Variants in ZAN observed in about 807,000 individuals in gnomAD.
ZAN encodes the protein zonadhesin (gene/pseudogene).
In ZAN, 260 loss-of-function variants were observed where a neutral mutation model predicts 286.2. That is an observed-to-expected ratio of 0.91 (90% CI 0.82 to 1.01). The LOEUF (loss-of-function observed/expected upper bound fraction) is 1.01, where lower values mean the gene tolerates loss of function less well. Among genes scored for constraint, ZAN ranks in the 50% least tolerant of loss-of-function variants. The pLI is 0.00. For missense variants in ZAN, 3,410 were observed against 3,639.2 expected (o/e 0.94, Z 1.62); for synonymous variants, 1,368 against 1,417.5 (o/e 0.97, Z 0.79).
rs755705813 is a variant in ZAN at position 100,758,268 on chromosome 7, G to A, written c.3376G>A (p.Glu1126Lys). The A allele has an allele frequency of 3.9e-5, 63 of 1,613,276 alleles. No homozygotes were observed. Among genetic ancestry groups the A allele is most frequent in the African/African-American group, 1.5e-4 (11 of 74,912 alleles). Residue 1126 changes from glutamate to lysine, a missense_variant, in exon 16 of 48, where the codon GAG becomes AAG. Around this residue, in one of 7 missense-constraint regions of ZAN, gnomAD observed 1,042 missense variants for 1,058.0 expected, o/e 0.98. Coordinates refer to ENST00000613979, the MANE Select transcript of ZAN (RefSeq NM_003386.3). ...CCGCTGCTGGCCCGGCAGTCGGGTCGAGTGCCAGATCTCTCAGTGTGGGAC... is the reference window on the plus strand; with the variant it reads ...CCGCTGCTGGCCCGGCAGTCGGGTCAAGTGCCAGATCTCTCAGTGTGGGAC... ...HCRCWPGSRVECQISQCGTHT... is the reference protein window; with the variant it reads ...HCRCWPGSRVKCQISQCGTHT...
intron 2 of ZAN, among the ~76,000 whole-genome samples, chr7:100,734,488 G>A (rs1375053662): frequency 1.4e-5 from 2 of 139,808 alleles, no homozygotes; most frequent in African/African-American, 5.2e-5. Context: ...GCGTGGTGGT[G>A]TGCACCTGTA....
chr7:100,758,680 G>C (rs953967893), intron 17 of ZAN, 30 bp downstream of exon 17: 36 of 1,547,618 alleles, frequency 2.3e-5, no homozygotes, highest in Non-Finnish European at 2.7e-5. Context: ...CTGCGGCCTG[G>C]GGGGAGGGTC....
chr7:100,747,256 A>G, intron 8 of ZAN, among the ~76,000 whole-genome samples: 1 of 151,574 alleles, frequency 6.6e-6, no homozygotes, highest in Middle Eastern at 3.4e-3. Flanking sequence ...GTGTGGTGGC[A>G]CACGCCTGTA....
intron 20 of ZAN, among the ~76,000 whole-genome samples, chr7:100,762,937 T>TG (rs1190372433): frequency 6.6e-6 from 1 of 151,138 alleles, no homozygotes; most frequent in African/African-American, 2.4e-5. Context: ...TCTCACCAGA[T>TG]GGGGGGTTGA....
At chr7:100,753,427 G>T (rs1584571234) in intron 14 of ZAN, among the ~76,000 whole-genome samples, 198 bp downstream of exon 14, 1 of 152,202 alleles carries the variant, frequency 6.6e-6, no homozygotes, top group Admixed American at 6.6e-5. Flanking sequence ...GGGATGGCAG[G>T]GCTGGAGTGG....
In ZAN at chr7:100,738,933, C is replaced by T. The variant is rs371953289; in HGVS notation, c.766+320C>T. ...CCTCTCCCTCTCCCTCTCCCTCTCC[C>T]TCTCCCTCTCCCTCTCCCTCTCCCT... On this transcript the variant is annotated intron_variant, in intron 7 of 47. Transcript: ENST00000613979. Among the ~76,000 whole-genome samples the T allele has an allele frequency of 0.027, 55 of 2,010 alleles. 4 individuals carry two copies. The South Asian group carries it at 0.31, about 11-fold the overall frequency. 1.3% of individuals were successfully genotyped at this position (2,010 alleles called of 152,430 possible). A position where few individuals can be genotyped will look rare whatever the true frequency, so the allele number is the denominator to read the frequency against.
intron 12 of ZAN, 73 bp downstream of exon 12, chr7:100,750,969 A>T (rs1447585725): frequency 1.0e-5 from 15 of 1,505,034 alleles, no homozygotes; most frequent in Non-Finnish European, 1.2e-5. Flanking sequence ...GGGCGCCACC[A>T]GTGCTGAAGA....
At chr7:100,794,091 C>G (rs377264940) in intron 43 of ZAN, 29 bp from the exon 44 acceptor site, 1 of 1,613,708 alleles carries the variant, frequency 6.2e-7, no homozygotes, top group African/African-American at 1.3e-5. Context: ...GGAACTGGAA[C>G]GTCTCCTCCT....
At position 100,737,078 on chromosome 7, in the gene ZAN, C is replaced by T. The variant is rs755981747; in HGVS notation, c.523C>T (p.Arg175Trp). 4.7e-5 allele frequency: 70 copies of T among 1,489,946 alleles called. 11 individuals are homozygous for T. The highest frequency in any genetic ancestry group is 6.0e-5 in the Non-Finnish European group (65 of 1,091,254). The allele number at this position is 1,489,946 out of a possible 1,614,324, so 92.3% of individuals were successfully genotyped here. The change falls in exon 5 of 48, where the codon CGG becomes TGG. Residue 175 changes from arginine to tryptophan, a missense_variant and splice_region_variant. Around this residue, in one of 7 missense-constraint regions of ZAN, gnomAD observed 872 missense variants for 938.9 expected, o/e 0.93. Coordinates refer to ENST00000613979, the MANE Select transcript of ZAN (RefSeq NM_003386.3). ...GCCCGCAGGGTTCACCCTGCCCACC[C>T]GGGTAAGGCCGGGGACAAATTGTGG... ...TVPAGFTLPTRLMFEGTRGST... is the reference protein window; with the variant it reads ...TVPAGFTLPTWLMFEGTRGST...
intron 18 of ZAN, 35 bp downstream of exon 18, chr7:100,759,880 G>A: frequency 6.3e-7 from 1 of 1,598,970 alleles, no homozygotes; most frequent in Non-Finnish European, 8.5e-7. Context: ...TCCTTGCAGG[G>A]TCTGACTGTG....
chr7:100,792,417 G>A lies in ZAN; in HGVS notation c.7725G>A (p.Leu2575=). The A allele has an allele frequency of 6.2e-7, 1 of 1,612,514 alleles. No homozygotes were observed. Among genetic ancestry groups the A allele is most frequent in the Non-Finnish European group, 8.5e-7 (1 of 1,179,036 alleles). ...APEPFQEHCV[L]DLCSAQDPRE... is the part of the protein sequence containing the mutation. ...CTCTCTGCACCAGGCACTGCGTGCT[G>A]GATCTGTGCTCTGCTCAGGACCCAA... Residue 2575 remains leucine, a synonymous_variant, in exon 42 of 48, where the codon CTG becomes CTA. Coordinates refer to ENST00000613979, the MANE Select transcript of ZAN (RefSeq NM_003386.3).
rs1257378029 is a variant in ZAN at position 100,750,773 on chromosome 7, ACTC to A, written c.1404_1406del (p.Leu469del). 3.1e-6 allele frequency: 5 copies of A among 1,612,886 alleles called. No homozygotes were observed. The South Asian group carries it at 3.3e-5, about 11-fold the overall frequency. ...GCCTTGGGGAGGGTACTATGCTCGA[ACTC>A]CTCCTGGGAAGTCCTGCGGGGAGTC... On this transcript the variant is annotated inframe_deletion, in exon 12 of 48. Coordinates refer to ENST00000613979, the MANE Select transcript of ZAN (RefSeq NM_003386.3).
rs768678835 is a variant in ZAN, at chr7:100,773,273, C to A, written c.5426-12C>A. The A allele has an allele frequency of 5.0e-6, 8 of 1,611,668 alleles. No individual in the cohort carries two copies. Among genetic ancestry groups the A allele is most frequent in the African/African-American group, 1.3e-5 (1 of 75,048 alleles). On this transcript the variant is annotated splice_polypyrimidine_tract_variant and intron_variant, in intron 29 of 47. Coordinates refer to ENST00000613979, the MANE Select transcript of ZAN (RefSeq NM_003386.3). ...GCCACCCCACTCTTCCTAATGCTCT[C>A]ATTTTCTTTAGCTATGAGGTGCCCA... is the stretch of plus-strand genomic sequence containing the variant.
intron 14 of ZAN, 44 bp downstream of exon 14, chr7:100,753,273 C>A: frequency 2.0e-6 from 3 of 1,524,914 alleles, no homozygotes; most frequent in South Asian, 2.6e-5. Context: ...AAGTCAGAGA[C>A]AATGACTAGG....
chr7:100,773,918 C>A, intron 31 of ZAN, 53 bp downstream of exon 31: 1 of 1,555,374 alleles, frequency 6.4e-7, no homozygotes, highest in East Asian at 2.4e-5. Context: ...CCCACTCTCC[C>A]AACTCCCCAA....
intron 28 of ZAN, among the ~76,000 whole-genome samples, chr7:100,770,694 G>A (rs934638737): frequency 1.0e-4 from 15 of 150,662 alleles, no homozygotes; most frequent in Non-Finnish European, 1.6e-4. Flanking sequence ...TCACTCTGTT[G>A]CCCAGGCTGG....
At chr7:100,753,586 GC>G (rs1808936157) in intron 14 of ZAN, among the ~76,000 whole-genome samples, 1 of 151,958 alleles carries the variant, frequency 6.6e-6, no homozygotes, top group Non-Finnish European at 1.5e-5. Context: ...ACTTTGGGGG[GC>G]CAAGGCGAGA....
intron 11 of ZAN, 127 bp downstream of exon 11, chr7:100,748,597 T>C: frequency 7.7e-7 from 1 of 1,304,528 alleles, no homozygotes; most frequent in Non-Finnish European, 1.0e-6. Context: ...AGGTGTTTTT[T>C]CGGAAGTTTC....
At chr7:100,769,460 TTTTTCTTTTC>T (rs943835796) in intron 27 of ZAN, among the ~76,000 whole-genome samples, 1 of 152,004 alleles carries the variant, frequency 6.6e-6, no homozygotes, top group Non-Finnish European at 1.5e-5. Flanking sequence ...CTTGTCTTTT[TTTTTCTTTTC>T]TTTTCTTTCC....
Sources: allele counts gnomAD v4.1 joint callset (sites outside exome capture counted in the v4.1 genomes callset), GRCh38; gene constraint gnomAD v4.1.1; regional missense constraint gnomAD v4.1.1; transcripts MANE v1.5; gene names NCBI Gene and HGNC (gene_info 2026-07-23, HGNC 2026-07-21).